Variants in WWOX observed in about 807,000 individuals in gnomAD.
WWOX encodes the protein WW domain-containing oxidoreductase.
WWOX carries 69 observed loss-of-function variants against 46.2 expected under a neutral mutation model. The observed-to-expected ratio is 1.49, with a 90% CI of 1.23 to 1.82. WWOX has a LOEUF of 1.82. Ranked by LOEUF, WWOX falls within the 40% of genes most tolerant of loss-of-function variation. The pLI is 0.00. For synonymous variants in WWOX, 359 were observed against 202.6 expected (o/e 1.77, Z -6.56); for missense variants, 919 against 542.6 (o/e 1.69, Z -6.89).
intron 5 of WWOX, among the ~76,000 whole-genome samples, chr16:78,172,954 A>G (rs1000332745): frequency 5.3e-5 from 8 of 152,174 alleles, no homozygotes; most frequent in South Asian, 2.1e-4. Context: ...ACTGTTTTTC[A>G]TATTTATTGT....
At chr16:78,351,704 T>C (rs1291678175) in intron 5 of WWOX, among the ~76,000 whole-genome samples, 1 of 152,214 alleles carries the variant, frequency 6.6e-6, no homozygotes, top group Non-Finnish European at 1.5e-5. Flanking sequence ...TTGCCCAGGC[T>C]GGAATGCAGT....
chr16:78,229,531 T>A (rs1304679829), intron 5 of WWOX, among the ~76,000 whole-genome samples: 2 of 148,112 alleles, frequency 1.4e-5, no homozygotes, highest in African/African-American at 4.9e-5. Flanking sequence ...TATATATATA[T>A]AAAATAATGA....
intron 5 of WWOX, among the ~76,000 whole-genome samples, chr16:78,332,183 C>T (rs1202473977): frequency 6.6e-6 from 1 of 152,090 alleles, no homozygotes; most frequent in African/African-American, 2.4e-5. Flanking sequence ...CACCCCAAGC[C>T]TTTTTTGCCA....
intron 8 of WWOX, among the ~76,000 whole-genome samples, chr16:79,136,711 T>C (rs142615227): frequency 2.0e-3 from 307 of 152,282 alleles, no homozygotes; most frequent in Non-Finnish European, 3.8e-3. Flanking sequence ...CTGGGGCAGG[T>C]GACTTTATGT....
chr16:78,424,596 G>A (rs1179904474), intron 6 of WWOX, among the ~76,000 whole-genome samples: 18 of 152,260 alleles, frequency 1.2e-4, no homozygotes, highest in Non-Finnish European at 4.4e-5. Context: ...CTGCTGTCCT[G>A]GTTTTCACAC....
intron 8 of WWOX, among the ~76,000 whole-genome samples, chr16:78,956,763 C>G (rs1361402069): frequency 6.6e-6 from 1 of 152,168 alleles, no homozygotes; most frequent in Non-Finnish European, 1.5e-5. Flanking sequence ...TTGGGATCTG[C>G]TGAGCCCAGC....
At chr16:78,781,022 C>G (rs1482023012) in intron 8 of WWOX, among the ~76,000 whole-genome samples, 1 of 152,212 alleles carries the variant, frequency 6.6e-6, no homozygotes, top group Non-Finnish European at 1.5e-5. Flanking sequence ...CCTCTGCCAC[C>G]TCTCCACATT....
chr16:78,752,349 G>GCGAT (rs1567536203), intron 8 of WWOX, among the ~76,000 whole-genome samples: 3 of 152,298 alleles, frequency 2.0e-5, no homozygotes, highest in Admixed American at 2.0e-4. Flanking sequence ...GTACAGTGAT[G>GCGAT]CGATCTCAGC....
At chr16:78,786,804 A>G (rs1379802953) in intron 8 of WWOX, among the ~76,000 whole-genome samples, 1 of 152,226 alleles carries the variant, frequency 6.6e-6, no homozygotes, top group Non-Finnish European at 1.5e-5. Context: ...TGTTTCTAAT[A>G]CATGCTTTAT....
chr16:78,632,511 G>T (rs960155872), intron 8 of WWOX, among the ~76,000 whole-genome samples: 3 of 145,542 alleles, frequency 2.1e-5, no homozygotes, highest in African/African-American at 7.7e-5. Flanking sequence ...ACCCCTTAGT[G>T]TCCTCCTCAT....
chr16:78,481,724 AGT>A (rs67780639), intron 8 of WWOX, among the ~76,000 whole-genome samples: 6,556 of 136,954 alleles, frequency 0.048, 196 homozygotes, highest in South Asian at 0.15. Flanking sequence ...GGGCAAGGGA[AGT>A]GTGTGTGTGT....
intron 8 of WWOX, among the ~76,000 whole-genome samples, chr16:78,870,657 GGT>G (rs1234664935): frequency 5.3e-5 from 8 of 152,128 alleles, no homozygotes; most frequent in African/African-American, 1.9e-4. Context: ...GCTGGAGTGC[GGT>G]GGTGCGATCT....
At chr16:78,932,672 T>G (rs1016936242) in intron 8 of WWOX, among the ~76,000 whole-genome samples, 4 of 152,186 alleles carry the variant, frequency 2.6e-5, no homozygotes, top group Non-Finnish European at 5.9e-5. Context: ...ATTCCCCCCA[T>G]GGGAGGACCT....
In WWOX at chr16:78,305,242, G is replaced by T. The variant is rs527261731; in HGVS notation, c.517-81618G>T. ...TTCCTTCCCCTTTCTGGGGGACTAC[G>T]TTTTTCATGGAGACCGGGGCCCTCC... is the stretch of plus-strand genomic sequence containing the variant. On this transcript the variant is annotated intron_variant, in intron 5 of 8. Coordinates refer to ENST00000566780, the MANE Select transcript of WWOX (RefSeq NM_016373.4). Among the ~76,000 whole-genome samples, 25 of 152,052 alleles carry T rather than the reference G, an allele frequency of 1.6e-4. No individual in the cohort carries two copies. The East Asian group carries it at 4.5e-3, about 27-fold the overall frequency.
At chr16:78,405,244 T>C (rs1309803181) in intron 6 of WWOX, among the ~76,000 whole-genome samples, 1 of 152,182 alleles carries the variant, frequency 6.6e-6, no homozygotes, top group Non-Finnish European at 1.5e-5. Context: ...TTCCTGGTGG[T>C]CTCCAGGGGA....
At position 78,819,441 on chromosome 16, in the gene WWOX, A is replaced by C. The variant is rs1048510220; in HGVS notation, c.1056+386689A>C. ...AGAAGTTACTGCCCCTTTCCATGAC[A>C]ATGACCCAACAACCTGGAAGTTACC... On this transcript the variant is annotated intron_variant, in intron 8 of 8. Transcript: ENST00000566780. 5.3e-5 allele frequency among the ~76,000 whole-genome samples: 8 copies of C among 152,206 alleles called. 1 individual carries two copies. The highest frequency in any genetic ancestry group is 5.2e-4 in the Admixed American group (8 of 15,276).
intron 4 of WWOX, among the ~76,000 whole-genome samples, chr16:78,156,866 G>T (rs2034624565): frequency 6.6e-6 from 1 of 152,168 alleles, no homozygotes; most frequent in African/African-American, 2.4e-5. Flanking sequence ...GGAGGTTCTA[G>T]TGAGCAGAGG....
chr16:78,641,733 C>T (rs977832771), intron 8 of WWOX, among the ~76,000 whole-genome samples: 5 of 152,158 alleles, frequency 3.3e-5, no homozygotes, highest in African/African-American at 1.2e-4. Context: ...GTGATAGACC[C>T]TGAGTAGCAA....
chr16:79,003,128 A>T (rs1467137999), intron 8 of WWOX, among the ~76,000 whole-genome samples: 1 of 152,206 alleles, frequency 6.6e-6, no homozygotes, highest in East Asian at 1.9e-4. Context: ...CAGTGAGCAG[A>T]GATAAGCCTC....
Sources: gnomAD v4.1 joint callset for allele counts (sites outside exome capture counted in the v4.1 genomes callset) on GRCh38, gnomAD v4.1.1 for gene constraint, MANE v1.5 for transcripts, NCBI Gene and HGNC (gene_info 2026-07-23, HGNC 2026-07-21) for gene names.